The following MSMO1 variants were observed in gnomAD, a reference collection of about 807,000 sequenced individuals.
MSMO1 encodes methylsterol monooxygenase 1.
Under a neutral mutation model 30.4 loss-of-function variants are expected in MSMO1, and 18 were observed. That is an observed-to-expected ratio of 0.59 (90% confidence interval 0.41 to 0.88). The LOEUF (loss-of-function observed/expected upper bound fraction) is 0.88, where lower values mean the gene tolerates loss of function less well. Among genes scored for constraint, MSMO1 ranks in the 40% least tolerant of loss-of-function variants. The pLI is 0.00. For missense variants in MSMO1, 284 were observed against 340.5 expected (o/e 0.83, Z 1.31); for synonymous variants, 84 against 107.9 (o/e 0.78, Z 1.37).
intron 1 of MSMO1, among the ~76,000 whole-genome samples, chr4:165,328,640 T>G (rs1050691909): frequency 2.0e-5 from 3 of 152,200 alleles, no homozygotes; most frequent in Admixed American, 1.3e-4. Context: ...CTAGTCAACC[T>G]GTTCCAGAAC....
intron 1 of MSMO1, among the ~76,000 whole-genome samples, chr4:165,331,064 G>GATTAT (rs1747374914): frequency 6.6e-6 from 1 of 152,162 alleles, no homozygotes. Context: ...CACACTTTGG[G>GATTAT]AGGCTGAGAT....
chr4:165,334,220 TAGCCA>T (rs1747477606), intron 2 of MSMO1, among the ~76,000 whole-genome samples: 1 of 152,266 alleles, frequency 6.6e-6, no homozygotes, highest in African/African-American at 2.4e-5. Context: ...CAATTTAGAC[TAGCCA>T]TGTTTAAAGT....
chr4:165,340,230 G>A lies in MSMO1; in HGVS notation c.541G>A (p.Gly181Arg). ...KVHHEFQAPFGMEAEYAHPLE... is the reference protein window; with the variant it reads ...KVHHEFQAPFRMEAEYAHPLE... ...TATCTGTTTGTCTTAGGCTCCATTTGGAATGGAAGCTGAATATGCACATCC... is the reference window on the plus strand; with the variant it reads ...TATCTGTTTGTCTTAGGCTCCATTTAGAATGGAAGCTGAATATGCACATCC... Residue 181 changes from glycine (G) to arginine (R), a missense_variant, in exon 5 of 6, where the codon GGA (glycine) becomes AGA (arginine). Physicochemically the swap from Gly to Arg is moderately radical, Grantham distance 125 (BLOSUM62 -2). Transcript: ENST00000261507. 6.2e-7 allele frequency: 1 copy of A among 1,613,560 alleles called. No individual in the cohort carries two copies. Among genetic ancestry groups the A allele is most frequent in the Non-Finnish European group, 8.5e-7 (1 of 1,179,790 alleles).
At chr4:165,338,903 A>G (rs955074420) in intron 4 of MSMO1, 125 bp downstream of exon 4, 2 of 699,288 alleles carry the variant, frequency 2.9e-6, no homozygotes, top group African/African-American at 3.6e-5. Context: ...ATTATTAAGA[A>G]CAATACACAC....
chr4:165,337,001 AAG>A (rs1747569647), intron 2 of MSMO1, among the ~76,000 whole-genome samples: 1 of 152,198 alleles, frequency 6.6e-6, no homozygotes, highest in South Asian at 2.1e-4. Context: ...GTTCAATTAA[AAG>A]AGTTTTGTTG....
At chr4:165,332,926 T>C (rs1747439461) in intron 1 of MSMO1, among the ~76,000 whole-genome samples, 1 of 152,216 alleles carries the variant, frequency 6.6e-6, no homozygotes, top group South Asian at 2.1e-4. Flanking sequence ...AGGTACTTAA[T>C]TTTTATATAC....
At position 165,338,610 on chromosome 4, in the gene MSMO1, TA is replaced by T. The variant is rs749617800; in HGVS notation, c.405-37del. 6.6e-5 allele frequency: 103 copies of T among 1,560,328 alleles called. 2 individuals carry two copies. In the East Asian group the frequency reaches 2.2e-3, roughly 33 times the overall value. On this transcript the variant is annotated intron_variant, in intron 3 of 5. Transcript: ENST00000261507. ...CAACTAAAAGTCTGGATAGTTTAAG[TA>T]AAAATTATTTCTTACACATTACAAC...
chr4:165,332,159 T>A (rs191201078), intron 1 of MSMO1, among the ~76,000 whole-genome samples: 9 of 152,338 alleles, frequency 5.9e-5, no homozygotes, highest in Admixed American at 1.3e-4. Context: ...ATGTACATTT[T>A]TTGTTTCTGT....
intron 1 of MSMO1, among the ~76,000 whole-genome samples, chr4:165,331,401 A>G (rs1332241273): frequency 6.6e-6 from 1 of 152,194 alleles, no homozygotes; most frequent in Non-Finnish European, 1.5e-5. Context: ...GGGAAAGGAT[A>G]AGTGATGGAC....
Position 165,339,038 on chromosome 4 carries a change from C to CACAGCTA in MSMO1, c.531+261_531+267dup, listed in dbSNP as rs539988336. On this transcript the variant is annotated intron_variant, in intron 4 of 5. Transcript: ENST00000261507. ...ATCCTTGTGGACAGTGCTACACTGG[C>CACAGCTA]ACAGCTAGATCCTCACATTGCTAAC... Among the ~76,000 whole-genome samples the CACAGCTA allele has an allele frequency of 2.5e-3, 375 of 148,884 alleles. 2 individuals are homozygous for CACAGCTA. The highest frequency in any genetic ancestry group is 8.5e-3 in the African/African-American group (346 of 40,544).
At chr4:165,329,189 TC>T (rs1330581505) in intron 1 of MSMO1, among the ~76,000 whole-genome samples, 2 of 152,198 alleles carry the variant, frequency 1.3e-5, no homozygotes, top group African/African-American at 4.8e-5. Context: ...TCATATTTTT[TC>T]TAATCTCCTG....
chr4:165,335,477 T>C (rs1747512604), intron 2 of MSMO1, among the ~76,000 whole-genome samples: 1 of 152,206 alleles, frequency 6.6e-6, no homozygotes, highest in Non-Finnish European at 1.5e-5. Context: ...AAAGGCAGAA[T>C]TAAGTTTGGA....
intron 1 of MSMO1, among the ~76,000 whole-genome samples, chr4:165,329,259 C>T (rs1747320706): frequency 6.6e-6 from 1 of 151,962 alleles, no homozygotes. Context: ...ACCCTCTCTC[C>T]CTCACTCTAT....
rs1344577368 is a variant in MSMO1, at chr4:165,342,365, TA to T, written c.*420del. 3 of 148,074 alleles carry T rather than the reference TA, an allele frequency of 2.0e-5. No individual in the cohort carries two copies. Among genetic ancestry groups the T allele is most frequent in the African/African-American group, 2.9e-5 (1 of 35,016 alleles). The allele number at this position is 148,074 out of a possible 1,614,324, so 9.2% of individuals were successfully genotyped here. ...TTGGCCTTATATTTAACTTTTTTTT[TA>T]TTTTTTTTTTGAGACAAAGCCACAC... On this transcript the variant is annotated 3_prime_UTR_variant, in exon 6 of 6. Transcript: ENST00000261507.
At position 165,327,682 on chromosome 4, in the gene MSMO1, A is replaced by G. The variant is rs1222547901; in HGVS notation, c.-114A>G. On this transcript the variant is annotated 5_prime_UTR_variant, in exon 1 of 6. Coordinates refer to ENST00000261507, the MANE Select transcript of MSMO1 (RefSeq NM_006745.5). ...CCTGGCCCACCCGGCTCCACCCCCA[A>G]GCCAGGCGAGGCAGGTTCCGAGGTT... The G allele has an allele frequency of 2.0e-5, 3 of 152,244 alleles. No homozygotes were observed. Among genetic ancestry groups the G allele is most frequent in the Non-Finnish European group, 4.4e-5 (3 of 68,116 alleles). The allele number at this position is 152,244 out of a possible 1,614,324, so 9.4% of individuals were successfully genotyped here. A position where few individuals can be genotyped will look rare whatever the true frequency, so the allele number is the denominator to read the frequency against.
chr4:165,329,979 T>C (rs1167008816), intron 1 of MSMO1, among the ~76,000 whole-genome samples: 3 of 152,064 alleles, frequency 2.0e-5, no homozygotes, highest in Non-Finnish European at 4.4e-5. Flanking sequence ...GTGATGACAA[T>C]AGAATGCAGA....
rs1747464880 is a variant in MSMO1, at chr4:165,333,740, G to A, written c.255+115G>A. 2.6e-6 allele frequency: 3 copies of A among 1,143,108 alleles called. No individual in the cohort carries two copies. The East Asian group carries it at 7.6e-5, about 29-fold the overall frequency. The allele number at this position is 1,143,108 out of a possible 1,614,324, so 70.8% of individuals were successfully genotyped here. A position where few individuals can be genotyped will look rare whatever the true frequency, so the allele number is the denominator to read the frequency against. On this transcript the variant is annotated intron_variant, in intron 2 of 5. Transcript: ENST00000261507. Reference sequence around the variant, plus strand: ...CAGTGATATCCAATAGAAATATGAAGCCACGTATGTAATTTTAAATTTTCT... The same window carrying A: ...CAGTGATATCCAATAGAAATATGAAACCACGTATGTAATTTTAAATTTTCT...
At chr4:165,333,774 A>G in intron 2 of MSMO1, 149 bp downstream of exon 2, 1 of 908,742 alleles carries the variant, frequency 1.1e-6, no homozygotes, top group Non-Finnish European at 1.6e-6. Context: ...CTAGTAGAAT[A>G]CATAGAAAAG....
At chr4:165,341,318 G>A (rs1747709303) in intron 5 of MSMO1, among the ~76,000 whole-genome samples, 1 of 152,110 alleles carries the variant, frequency 6.6e-6, no homozygotes, top group South Asian at 2.1e-4. Flanking sequence ...AGGGATTCAT[G>A]GGCCTGCCCT....
Sources: gnomAD v4.1 joint callset for allele counts (sites outside exome capture counted in the v4.1 genomes callset) on GRCh38, gnomAD v4.1.1 for gene constraint, MANE v1.5 for transcripts, NCBI Gene and HGNC (gene_info 2026-07-23, HGNC 2026-07-21) for gene names.